ETS1: variants seen among roughly 807,000 people sequenced by gnomAD.
ETS1 encodes ETS proto-oncogene 1, transcription factor, also known as protein C-ets-1.
In ETS1, 15 loss-of-function variants were observed where a neutral mutation model predicts 58.6. The ratio of observed to expected loss-of-function variants is 0.26; its 90% CI spans 0.17 to 0.39. The LOEUF (loss-of-function observed/expected upper bound fraction) is 0.39, where lower values mean the gene tolerates loss of function less well. Among genes scored for constraint, ETS1 ranks in the 10% least tolerant of loss-of-function variants. ETS1 has a pLI of 1.00. For missense variants in ETS1, 417 were observed against 610.5 expected (o/e 0.68, Z 3.34); for synonymous variants, 214 against 218.2 (o/e 0.98, Z 0.17).
intron 1 of ETS1, among the ~76,000 whole-genome samples, chr11:128,584,798 A>T (rs918840026): frequency 3.3e-5 from 5 of 151,494 alleles, no homozygotes; most frequent in African/African-American, 9.7e-5. Context: ...ATACCACATT[A>T]ATTTTGCTCA....
At chr11:128,476,846 G>A (rs1862336708) in intron 8 of ETS1, among the ~76,000 whole-genome samples, 3 of 152,206 alleles carry the variant, frequency 2.0e-5, no homozygotes, top group South Asian at 2.1e-4. Context: ...ACATTTTGGC[G>A]GAAGCCAACA....
chr11:128,485,889 T>C (rs1229674022), intron 6 of ETS1, among the ~76,000 whole-genome samples, 180 bp downstream of exon 6: 2 of 152,132 alleles, frequency 1.3e-5, no homozygotes, highest in African/African-American at 4.8e-5. Flanking sequence ...GAAACATATA[T>C]ATAGGTTGAA....
intron 3 of ETS1, among the ~76,000 whole-genome samples, chr11:128,555,021 A>G (rs1006897007): frequency 6.6e-6 from 1 of 152,166 alleles, no homozygotes; most frequent in Non-Finnish European, 1.5e-5. Flanking sequence ...CTGAGATACC[A>G]AGCAGAAAGT....
intron 2 of ETS1, among the ~76,000 whole-genome samples, chr11:128,559,732 AT>A (rs1197885022): frequency 6.6e-6 from 1 of 152,262 alleles, no homozygotes; most frequent in Non-Finnish European, 1.5e-5. Flanking sequence ...TTCATAGAGT[AT>A]GAAAATGATA....
intron 3 of ETS1, chr11:128,521,780 A>C: frequency 1.6e-6 from 1 of 635,270 alleles, no homozygotes; most frequent in Non-Finnish European, 2.6e-6. Context: ...CTCCAGATCC[A>C]GCTGCCAACA....
intron 3 of ETS1, among the ~76,000 whole-genome samples, chr11:128,498,121 T>G (rs1263606316): frequency 6.6e-6 from 1 of 152,230 alleles, no homozygotes; most frequent in African/African-American, 2.4e-5. Context: ...TTCTCTAGGA[T>G]GCTCTACCCA....
chr11:128,510,438 C>A (rs1167902374), intron 3 of ETS1, among the ~76,000 whole-genome samples: 1 of 152,176 alleles, frequency 6.6e-6, no homozygotes, highest in African/African-American at 2.4e-5. Context: ...AAGATGACCA[C>A]CTATGCCACC....
At chr11:128,538,471 T>G (rs773334080) in intron 3 of ETS1, among the ~76,000 whole-genome samples, 8 of 152,154 alleles carry the variant, frequency 5.3e-5, no homozygotes, top group Non-Finnish European at 8.8e-5. Context: ...CAAGGACCGG[T>G]ACAGTGTTTC....
chr11:128,540,695 T>C (rs867641272), intron 3 of ETS1, among the ~76,000 whole-genome samples: 1 of 152,162 alleles, frequency 6.6e-6, no homozygotes, highest in Non-Finnish European at 1.5e-5. Context: ...CCCGGGAAAC[T>C]CCAAATGGAA....
At chr11:128,478,784 CT>C (rs1862403547) in intron 8 of ETS1, among the ~76,000 whole-genome samples, 2 of 152,162 alleles carry the variant, frequency 1.3e-5, no homozygotes, top group Non-Finnish European at 2.9e-5. Flanking sequence ...ACTTAATACA[CT>C]TTTCCTCATC....
chr11:128,486,659 T>C (rs963591422), intron 5 of ETS1, among the ~76,000 whole-genome samples: 4 of 152,228 alleles, frequency 2.6e-5, no homozygotes, highest in African/African-American at 9.6e-5. Flanking sequence ...AGGTTTCAAG[T>C]TCAGGCCCAG....
chr11:128,534,487 A>G (rs1863943694), intron 3 of ETS1, among the ~76,000 whole-genome samples: 1 of 152,212 alleles, frequency 6.6e-6, no homozygotes, highest in African/African-American at 2.4e-5. Context: ...ACAGATAAAC[A>G]TATGCCATGG....
intron 1 of ETS1, among the ~76,000 whole-genome samples, chr11:128,575,463 G>T (rs924384660): frequency 6.6e-6 from 1 of 152,150 alleles, no homozygotes; most frequent in African/African-American, 2.4e-5. Flanking sequence ...GGCGTCCTTT[G>T]TTAGTGGCTT....
At chr11:128,577,916 A>C (rs1284301663) in intron 1 of ETS1, among the ~76,000 whole-genome samples, 1 of 50,318 alleles carries the variant, frequency 2.0e-5, no homozygotes, top group East Asian at 3.3e-4. Flanking sequence ...CCAAAAAGCC[A>C]AAAAAAAAAA....
At chr11:128,486,485 G>A (rs906342864) in intron 5 of ETS1, among the ~76,000 whole-genome samples, 1 of 152,184 alleles carries the variant, frequency 6.6e-6, no homozygotes, top group South Asian at 2.1e-4. Context: ...TATAGCCAAA[G>A]GCTTGAGTAC....
chr11:128,465,910 G>T (rs975023927), intron 8 of ETS1, among the ~76,000 whole-genome samples: 1 of 152,218 alleles, frequency 6.6e-6, no homozygotes, highest in African/African-American at 2.4e-5. Context: ...GATCAGCAGT[G>T]GAGTAGCCGG....
At chr11:128,492,712 C>T (rs1376990412) in intron 3 of ETS1, among the ~76,000 whole-genome samples, 1 of 152,100 alleles carries the variant, frequency 6.6e-6, no homozygotes, top group Non-Finnish European at 1.5e-5. Flanking sequence ...CACATGGCTG[C>T]TCCCCATCCA....
chr11:128,481,424 C>CAA lies in ETS1; in HGVS notation c.863-975_863-974dup, dbSNP rs10707155. 4.3e-3 allele frequency among the ~76,000 whole-genome samples: 571 copies of CAA among 134,212 alleles called. 2 individuals are homozygous for CAA. Among genetic ancestry groups the CAA allele is most frequent in the African/African-American group, 0.015 (539 of 36,700 alleles). 88.0% of individuals were successfully genotyped at this position (134,212 alleles called of 152,430 possible). A position where few individuals can be genotyped will look rare whatever the true frequency, so the allele number is the denominator to read the frequency against. ...AAAATGCCACTAAAAAGGAGGCTAG[C>CAA]AAAAAAAAAAAAAAAATAGTTTTGG... is the stretch of plus-strand genomic sequence containing the variant. On this transcript the variant is annotated intron_variant, in intron 7 of 9. Coordinates refer to ENST00000392668, the MANE Select transcript of ETS1 (RefSeq NM_001143820.2).
chr11:128,499,822 G>A (rs1863039689), intron 3 of ETS1, among the ~76,000 whole-genome samples: 1 of 152,080 alleles, frequency 6.6e-6, no homozygotes, highest in Non-Finnish European at 1.5e-5. Context: ...CGGGAGAGTG[G>A]TGCTGAGAAT....
Sources: gnomAD v4.1 joint callset for allele counts (sites outside exome capture counted in the v4.1 genomes callset) on GRCh38, gnomAD v4.1.1 for gene constraint, MANE v1.5 for transcripts, NCBI Gene and HGNC (gene_info 2026-07-23, HGNC 2026-07-21) for gene names.